The following MYH15 variants were observed in gnomAD, a reference collection of about 807,000 sequenced individuals.
The protein encoded by MYH15 is myosin heavy chain 15.
A neutral mutation model predicts 240.5 loss-of-function variants in MYH15; 227 were observed. The ratio of observed to expected loss-of-function variants is 0.94; its 90% CI spans 0.85 to 1.05. The LOEUF is 1.05. Among genes scored for constraint, MYH15 ranks in the 50% least tolerant of loss-of-function variants. MYH15 has a pLI of 0.00. For synonymous variants in MYH15, 785 were observed against 796.7 expected (o/e 0.99, Z 0.25); for missense variants, 2,217 against 2,247.5 (o/e 0.99, Z 0.27).
intron 12 of MYH15, among the ~76,000 whole-genome samples, chr3:108,475,232 G>A (rs1227873636): frequency 6.6e-6 from 1 of 152,030 alleles, no homozygotes; most frequent in African/African-American, 2.4e-5. Flanking sequence ...TATCACCTGA[G>A]TACTAGCTAT....
chr3:108,501,750 G>T lies in MYH15; in HGVS notation c.301C>A (p.His101Asn), dbSNP rs750178279. ...TGGCCATAGCGCCGCTTCAGGGTAT[G>T]CAGCACGGATGCCTCATTGAGGTGA... ...LTHLNEASVL[H>N]TLKRRYGQWM... Residue 101 changes from histidine to asparagine, a missense_variant, in exon 3 of 41, where the codon CAT becomes AAT. Coordinates refer to ENST00000693548, the MANE Select transcript of MYH15 (RefSeq NM_014981.3). 3 of 1,614,096 alleles carry T rather than the reference G, an allele frequency of 1.9e-6. No homozygotes were observed. Among genetic ancestry groups the T allele is most frequent in the Non-Finnish European group, 2.5e-6 (3 of 1,179,970 alleles).
chr3:108,429,078 G>T (rs1251163032), intron 26 of MYH15, among the ~76,000 whole-genome samples, 197 bp from the exon 27 acceptor site: 4 of 152,100 alleles, frequency 2.6e-5, no homozygotes, highest in Non-Finnish European at 1.5e-5. Context: ...CTGCCAAATT[G>T]CTCAGCCCCT....
intron 27 of MYH15, among the ~76,000 whole-genome samples, chr3:108,423,212 G>A (rs536774977): frequency 2.6e-5 from 4 of 152,178 alleles, no homozygotes; most frequent in Non-Finnish European, 2.9e-5. Context: ...TGAAGTTTCC[G>A]AGGCTCCACT....
At chr3:108,546,194 T>C in the MYH15 span, among the ~76,000 whole-genome samples, 20 of 152,204 alleles carry the variant, frequency 1.3e-4, no homozygotes, top group African/African-American at 4.8e-4. Flanking sequence ...CAAATTAGTA[T>C]GGAGTAGTTG....
chr3:108,424,302 G>C (rs890004643), intron 27 of MYH15, among the ~76,000 whole-genome samples: 1 of 152,196 alleles, frequency 6.6e-6, no homozygotes, highest in Non-Finnish European at 1.5e-5. Flanking sequence ...TATCCACATA[G>C]GCACTGCTAA....
chr3:108,386,328 A>G (rs1289276672), intron 38 of MYH15, among the ~76,000 whole-genome samples: 1 of 152,200 alleles, frequency 6.6e-6, no homozygotes, highest in Non-Finnish European at 1.5e-5. Context: ...TAGGGCATTG[A>G]GTAACTGGTG....
At chr3:108,466,617 A>C (rs2083120435) in intron 14 of MYH15, among the ~76,000 whole-genome samples, 1 of 152,172 alleles carries the variant, frequency 6.6e-6, no homozygotes, top group East Asian at 1.9e-4. Flanking sequence ...ATACCTGAGT[A>C]ACGGGTTTCA....
Position 108,500,266 on chromosome 3 carries a change from T to A in MYH15, c.348A>T (p.Ser116=), listed in dbSNP as rs1164356478. Residue 116 remains serine, a synonymous_variant, in exon 4 of 41, where the codon TCA becomes TCT. Transcript: ENST00000693548. The part of the protein sequence containing the change: ...RYGQWMIYTY[S]GLFCVTINPY... ...GGTTTATGGTCACACAGAAGAGACCTGAATATGTCTGAGGGAAAATCAGAA... is the reference window on the plus strand; with the variant it reads ...GGTTTATGGTCACACAGAAGAGACCAGAATATGTCTGAGGGAAAATCAGAA... 1.1e-5 allele frequency: 18 copies of A among 1,605,920 alleles called. No individual in the cohort carries two copies. The highest frequency in any genetic ancestry group is 1.7e-4 in the Middle Eastern group (1 of 6,016).
intron 25 of MYH15, among the ~76,000 whole-genome samples, chr3:108,433,710 C>T (rs1303686516): frequency 2.6e-5 from 4 of 152,222 alleles, no homozygotes; most frequent in South Asian, 2.1e-4. Flanking sequence ...TTTTGCCTGC[C>T]GCCATCCATA....
At chr3:108,435,735 AATGT>A (rs1392666846) in intron 25 of MYH15, among the ~76,000 whole-genome samples, 1 of 149,182 alleles carries the variant, frequency 6.7e-6, no homozygotes, top group Non-Finnish European at 1.5e-5. Flanking sequence ...TGTATGTATG[AATGT>A]ATGTATGTGT....
intron 1 of MYH15, among the ~76,000 whole-genome samples, chr3:108,516,593 T>C (rs2083574524): frequency 6.6e-6 from 1 of 152,170 alleles, no homozygotes; most frequent in African/African-American, 2.4e-5. Flanking sequence ...CTTCCTAGTA[T>C]TCATGCTGCT....
At chr3:108,474,745 C>T (rs926678572) in intron 12 of MYH15, among the ~76,000 whole-genome samples, 3 of 152,154 alleles carry the variant, frequency 2.0e-5, no homozygotes, top group Non-Finnish European at 4.4e-5. Flanking sequence ...TGGTGAATGT[C>T]TAAGAAGGTA....
chr3:108,387,356 T>C (rs2082391037), intron 38 of MYH15, among the ~76,000 whole-genome samples: 1 of 152,174 alleles, frequency 6.6e-6, no homozygotes, highest in East Asian at 1.9e-4. Flanking sequence ...AGCCTAATGA[T>C]ATTAGCTGAT....
chr3:108,405,154 T>C (rs2107544718), intron 33 of MYH15, 184 bp downstream of exon 33: 1 of 372,262 alleles, frequency 2.7e-6, no homozygotes, highest in South Asian at 1.1e-4. Flanking sequence ...TATCTAATTG[T>C]GTATAAAGGA....
chr3:108,479,693 C>A (rs148181620), intron 11 of MYH15, among the ~76,000 whole-genome samples: 181 of 152,134 alleles, frequency 1.2e-3, no homozygotes, highest in Admixed American at 3.9e-3. Context: ...AACCAGGTTT[C>A]GTAAGTTTAT....
intron 36 of MYH15, 27 bp from the exon 37 acceptor site, chr3:108,391,957 C>A: frequency 6.2e-7 from 1 of 1,609,044 alleles, no homozygotes; most frequent in South Asian, 1.1e-5. Context: ...AGGGACTGAG[C>A]TAGTTCAGCA....
chr3:108,492,724 A>G, intron 8 of MYH15, 129 bp from the exon 9 acceptor site: 1 of 641,420 alleles, frequency 1.6e-6, no homozygotes, highest in Non-Finnish European at 2.7e-6. Flanking sequence ...AGGCAGGAGA[A>G]TCACTTGAGG....
At chr3:108,480,830 T>C (rs1576260544) in intron 11 of MYH15, among the ~76,000 whole-genome samples, 5 of 152,044 alleles carry the variant, frequency 3.3e-5, no homozygotes, top group Admixed American at 3.3e-4. Context: ...AAATATGGAG[T>C]TGGAACTCAA....
intron 38 of MYH15, among the ~76,000 whole-genome samples, chr3:108,387,825 A>C (rs569163927): frequency 1.3e-5 from 2 of 152,228 alleles, no homozygotes; most frequent in African/African-American, 2.4e-5. Context: ...GGAACCGCTT[A>C]ATAATAAAAG....
Sources: gnomAD v4.1 joint callset for allele counts (sites outside exome capture counted in the v4.1 genomes callset) on GRCh38, gnomAD v4.1.1 for gene constraint, MANE v1.5 for transcripts, NCBI Gene and HGNC (gene_info 2026-07-23, HGNC 2026-07-21) for gene names.